TRMU: variants seen among roughly 807,000 people sequenced by gnomAD.
TRMU encodes mitochondrial tRNA-specific 2-thiouridylase 1.
Under a neutral mutation model 46.9 loss-of-function variants are expected in TRMU, and 49 were observed. The ratio of observed to expected loss-of-function variants is 1.05; its 90% CI spans 0.83 to 1.33. The LOEUF (loss-of-function observed/expected upper bound fraction) is 1.33. TRMU is among the 40% of genes most tolerant of loss of function. TRMU has a pLI of 0.00. For synonymous variants in TRMU, 241 were observed against 200.9 expected, an observed-to-expected ratio of 1.20 and a Z score of -1.69; for missense variants, 572 against 532.4, an observed-to-expected ratio of 1.07 and a Z score of -0.73.
chr22:46,339,618 AC>A lies in TRMU; in HGVS notation c.248+1675del, dbSNP rs2078069020. Among the ~76,000 whole-genome samples, 1 of 152,364 alleles carries A rather than the reference AC, an allele frequency of 6.6e-6. No homozygotes were observed. The highest frequency in any genetic ancestry group is 2.4e-5 in the African/African-American group (1 of 41,590). On this transcript the variant is annotated intron_variant, in intron 2 of 10. Transcript: ENST00000645190. The surrounding 1 kb of genome is among the most constrained non-coding windows in gnomAD (Gnocchi z 4.8). Reference sequence around the variant, plus strand: ...GTACACCAAAATCTCAGAAGTCACCACTGAAGAACTTATCCATGTGACCAAA... The same window carrying A: ...GTACACCAAAATCTCAGAAGTCACCATGAAGAACTTATCCATGTGACCAAA...
In TRMU at chr22:46,351,393, G is replaced by A. The variant is rs948397669; in HGVS notation, c.652-728G>A. Among the ~76,000 whole-genome samples the A allele has an allele frequency of 4.6e-5, 7 of 152,210 alleles. No homozygotes were observed. Among genetic ancestry groups the A allele is most frequent in the African/African-American group, 1.4e-4 (6 of 41,462 alleles). On this transcript the variant is annotated intron_variant, in intron 5 of 10. Coordinates refer to ENST00000645190, the MANE Select transcript of TRMU (RefSeq NM_018006.5). This position sits in a 1 kb window ranked among gnomAD's most constrained non-coding sequence, Gnocchi z 6.4. ...TGGGAGGGCCTTGGGGATGGAGGGC[G>A]AGGGCGCTGTGGGATGAGCCTCACC...
rs533002576 is a variant in TRMU at position 46,347,039 on chromosome 22, G to A, written c.478+495G>A. ...TACACGTTAGTTTATGCGTGTTAGG[G>A]AGCCAAGTTTCACCTTTCTAGAAAA... On this transcript the variant is annotated intron_variant, in intron 4 of 10. Coordinates refer to ENST00000645190, the MANE Select transcript of TRMU (RefSeq NM_018006.5). This position sits in a 1 kb window ranked among gnomAD's most constrained non-coding sequence, Gnocchi z 5.0. Among the ~76,000 whole-genome samples, 4 of 152,366 alleles carry A rather than the reference G, an allele frequency of 2.6e-5. No homozygotes were observed. In the East Asian group the frequency reaches 7.7e-4, roughly 29 times the overall value.
intron 10 of TRMU, chr22:46,356,448 G>A: frequency 2.4e-6 from 1 of 423,434 alleles, no homozygotes; most frequent in Non-Finnish European, 4.4e-6. Context: ...GTGGGTGTAG[G>A]CCTGAGGAAT....
chr22:46,346,032 G>A (rs1477721231), intron 3 of TRMU, among the ~76,000 whole-genome samples: 1 of 152,012 alleles, frequency 6.6e-6, no homozygotes, highest in Non-Finnish European at 1.5e-5. Flanking sequence ...CGGCCTCCCA[G>A]AGTGCTAGGA....
At chr22:46,346,641 C>A in intron 4 of TRMU, 97 bp downstream of exon 4, 2 of 1,414,388 alleles carry the variant, frequency 1.4e-6, no homozygotes, top group Non-Finnish European at 2.0e-6. Flanking sequence ...CACTGCCACC[C>A]CTCCCTCTGT....
At chr22:46,353,734 GC>G in intron 7 of TRMU, 32 bp from the exon 8 acceptor site, 1 of 1,603,360 alleles carries the variant, frequency 6.2e-7, no homozygotes, top group Middle Eastern at 1.7e-4. Flanking sequence ...GTAACTTGTT[GC>G]CCAGCCTCAT....
chr22:46,346,427 G>A lies in TRMU; in HGVS notation c.361G>A (p.Asp121Asn). The A allele has an allele frequency of 6.2e-7, 1 of 1,612,964 alleles. No homozygotes were observed. ...GTGTTCTAAAAACCTCACAGGGGCA[G>A]ATGCCATTGCCACAGGTCACTATGC... ...FHYAVDNLGA[D>N]AIATGHYART... is the part of the protein sequence containing the mutation. Residue 121 changes from aspartate (D) to asparagine (N), a missense_variant, in exon 4 of 11, where the codon GAT (aspartate) becomes AAT (asparagine). Asp to Asn is a conservative substitution (Grantham distance 23, BLOSUM62 1). Transcript: ENST00000645190.
intron 7 of TRMU, 26 bp downstream of exon 7, chr22:46,352,356 C>T (rs374493648): frequency 3.8e-5 from 62 of 1,612,626 alleles, no homozygotes; most frequent in Non-Finnish European, 1.7e-5. Context: ...TGCCACTTGT[C>T]ATCTGAAATG....
Position 46,353,766 on chromosome 22 carries a change from G to A in TRMU, c.773-1G>A. ...CTCATGGAGAAACTGTCTTTCTGTAGGTTGGTTCCTGTATACCTTGGGCCA... is the reference window on the plus strand; with the variant it reads ...CTCATGGAGAAACTGTCTTTCTGTAAGTTGGTTCCTGTATACCTTGGGCCA... On this transcript the variant is annotated splice_acceptor_variant, in intron 7 of 10. Coordinates refer to ENST00000645190, the MANE Select transcript of TRMU (RefSeq NM_018006.5). LOFTEE classifies it high-confidence loss of function. 6.2e-7 allele frequency: 1 copy of A among 1,613,682 alleles called. No individual in the cohort carries two copies. The highest frequency in any genetic ancestry group is 1.1e-5 in the South Asian group (1 of 91,008).
At position 46,350,097 on chromosome 22, in the gene TRMU, T is replaced by G. The variant is rs1024226704; in HGVS notation, c.479-194T>G. Among the ~76,000 whole-genome samples, 7 of 141,478 alleles carry G rather than the reference T, an allele frequency of 4.9e-5. No homozygotes were observed. The highest frequency in any genetic ancestry group is 8.3e-5 in the African/African-American group (3 of 36,176). The allele number at this position is 141,478 out of a possible 152,430, so 92.8% of individuals were successfully genotyped here. A position where few individuals can be genotyped will look rare whatever the true frequency, so the allele number is the denominator to read the frequency against. ...ATTTCTTTGTCATGTAAAATCCTTG[T>G]TTTTTTTTTTGGAGGTGCGAATTTT... On this transcript the variant is annotated intron_variant, in intron 4 of 10. Coordinates refer to ENST00000645190, the MANE Select transcript of TRMU (RefSeq NM_018006.5). The surrounding 1 kb of genome is among the most constrained non-coding windows in gnomAD (Gnocchi z 4.6).
intron 10 of TRMU, 122 bp from the exon 11 acceptor site, chr22:46,356,720 C>T (rs1027119924): frequency 5.7e-6 from 7 of 1,227,016 alleles, no homozygotes; most frequent in Non-Finnish European, 8.1e-6. Flanking sequence ...ACCCTGCTCC[C>T]CTGGGAGCTC....
rs749216821 is a variant in TRMU at position 46,355,414 on chromosome 22, G to GC, written c.874-29dup. On this transcript the variant is annotated intron_variant, in intron 8 of 10. Coordinates refer to ENST00000645190, the MANE Select transcript of TRMU (RefSeq NM_018006.5). ...CGGCCTTGGGGCCAGGTGCCCCTCG[G>GC]CGTCCCCACCTTCACATTCCATTCT... is the stretch of plus-strand genomic sequence containing the variant. The GC allele has an allele frequency of 3.1e-6, 5 of 1,609,592 alleles. No individual in the cohort carries two copies. The East Asian group carries it at 8.9e-5, about 29-fold the overall frequency.
chr22:46,351,397 G>A lies in TRMU; in HGVS notation c.652-724G>A, dbSNP rs1313346198. 6.6e-6 allele frequency among the ~76,000 whole-genome samples: 1 copy of A among 152,226 alleles called. No individual in the cohort carries two copies. The highest frequency in any genetic ancestry group is 1.5e-5 in the Non-Finnish European group (1 of 68,040). The stretch of plus-strand genomic sequence containing the variant: ...AGGGCCTTGGGGATGGAGGGCGAGG[G>A]CGCTGTGGGATGAGCCTCACCTCTT... On this transcript the variant is annotated intron_variant, in intron 5 of 10. Coordinates refer to ENST00000645190, the MANE Select transcript of TRMU (RefSeq NM_018006.5). The surrounding 1 kb of genome is among the most constrained non-coding windows in gnomAD (Gnocchi z 6.4).
chr22:46,349,506 T>C lies in TRMU; in HGVS notation c.479-785T>C, dbSNP rs1228251367. 6.6e-6 allele frequency among the ~76,000 whole-genome samples: 1 copy of C among 152,262 alleles called. No individual in the cohort carries two copies. The highest frequency in any genetic ancestry group is 1.5e-5 in the Non-Finnish European group (1 of 68,038). On this transcript the variant is annotated intron_variant, in intron 4 of 10. Coordinates refer to ENST00000645190, the MANE Select transcript of TRMU (RefSeq NM_018006.5). This position sits in a 1 kb window ranked among gnomAD's most constrained non-coding sequence, Gnocchi z 4.6. ...GACCGTCACGGCATGTGGCGTGCTC[T>C]GAGTGTAACTCGAAAGGAGAAGTTT...
Position 46,350,419 on chromosome 22 carries a change from A to T in TRMU, c.607A>T (p.Ile203Phe). Reference sequence around the variant, plus strand: ...ATTAACGAAAGAGTTTGTAAAGAAAATCGCTGCTGAGAATAGACTTCATCA... The same window carrying T: ...ATTAACGAAAGAGTTTGTAAAGAAATTCGCTGCTGAGAATAGACTTCATCA... ...GGLTKEFVKK[I>F]AAENRLHHVL... Residue 203 changes from isoleucine to phenylalanine, a missense_variant, in exon 5 of 11, where the codon ATC becomes TTC. Coordinates refer to ENST00000645190, the MANE Select transcript of TRMU (RefSeq NM_018006.5). This position sits in a 1 kb window ranked among gnomAD's most constrained non-coding sequence, Gnocchi z 4.6. The T allele has an allele frequency of 6.2e-7, 1 of 1,614,078 alleles. No homozygotes were observed. The highest frequency in any genetic ancestry group is 8.5e-7 in the Non-Finnish European group (1 of 1,180,034).
Position 46,338,525 on chromosome 22 carries a change from G to A in TRMU, c.248+581G>A, listed in dbSNP as rs2078039382. 7.9e-5 allele frequency among the ~76,000 whole-genome samples: 12 copies of A among 152,240 alleles called. No homozygotes were observed. The South Asian group carries it at 1.4e-3, about 18-fold the overall frequency. On this transcript the variant is annotated intron_variant, in intron 2 of 10. Transcript: ENST00000645190. The surrounding 1 kb of genome is among the most constrained non-coding windows in gnomAD (Gnocchi z 4.5). ...TCTTCACAAGAGGTGACAGTGATGC[G>A]TGGCACGCAGGAAGTACCAGTGATG...
At chr22:46,354,006 C>T (rs776634338) in intron 8 of TRMU, 139 bp downstream of exon 8, 2 of 766,200 alleles carry the variant, frequency 2.6e-6, no homozygotes, top group Non-Finnish European at 4.5e-6. Context: ...GTCCTTGGTC[C>T]CCTGCCTTTC....
intron 3 of TRMU, among the ~76,000 whole-genome samples, chr22:46,345,122 G>A (rs1290667750): frequency 6.6e-6 from 1 of 152,192 alleles, no homozygotes; most frequent in Non-Finnish European, 1.5e-5. Context: ...CCAGGCTGGA[G>A]TGCAGTGGTG....
intron 9 of TRMU, 196 bp from the exon 10 acceptor site, chr22:46,355,794 C>G: frequency 9.5e-7 from 1 of 1,054,264 alleles, no homozygotes; most frequent in Non-Finnish European, 1.4e-6. Flanking sequence ...AGGCAGGCCC[C>G]GGCGTGTTGG....
Sources: gnomAD v4.1 joint callset for allele counts (sites outside exome capture counted in the v4.1 genomes callset) on GRCh38, gnomAD v4.1.1 for gene constraint, Gnocchi (gnomAD v3.1) non-coding constraint, MANE v1.5 for transcripts, NCBI Gene and HGNC (gene_info 2026-07-23, HGNC 2026-07-21) for gene names.